The following CEP57L1 variants were observed in gnomAD, a reference collection of about 807,000 sequenced individuals.
The protein encoded by CEP57L1 is centrosomal protein 57 like 1.
Under a neutral mutation model 61.0 loss-of-function variants are expected in CEP57L1, and 37 were observed. That is an observed-to-expected ratio of 0.61 (90% CI 0.47 to 0.80). CEP57L1 has a LOEUF of 0.80. CEP57L1 is among the 30% of genes least tolerant of loss of function. CEP57L1 has a pLI of 0.00. For synonymous variants in CEP57L1, 137 were observed against 162.3 expected (o/e 0.84, Z 1.19); for missense variants, 422 against 524.7 (o/e 0.80, Z 1.91).
chr6:109,118,176 C>T (rs956022187), intron 1 of CEP57L1, among the ~76,000 whole-genome samples: 4 of 152,148 alleles, frequency 2.6e-5, no homozygotes, highest in East Asian at 3.9e-4. Context: ...GCTGGAATTA[C>T]AGGCGCCCAC....
chr6:109,141,863 T>A (rs934512755), intron 1 of CEP57L1, among the ~76,000 whole-genome samples: 1 of 152,220 alleles, frequency 6.6e-6, no homozygotes, highest in African/African-American at 2.4e-5. Flanking sequence ...ACTGAGCTGT[T>A]GATCCTTCTT....
Position 109,174,109 on chromosome 6 carries a change from A to AAAAACAAAAC in CEP57L1, c.*11143_*11144insCAAAACAAAA, listed in dbSNP as rs1554199813. On this transcript the variant is annotated 3_prime_UTR_variant, in exon 11 of 11. Transcript: ENST00000517392. ...AGTGAGTCTTGGTCTCAAAAAAAAA[A>AAAAACAAAAC]AAAAACCTTGTGTTGGAAACCATCT... 3.4e-5 allele frequency among the ~76,000 whole-genome samples: 5 copies of AAAAACAAAAC among 148,280 alleles called. No individual in the cohort carries two copies. Among genetic ancestry groups the AAAAACAAAAC allele is most frequent in the Non-Finnish European group, 7.5e-5 (5 of 67,082 alleles).
At position 109,120,908 on chromosome 6, in the gene CEP57L1, A is replaced by G. The variant is rs966696936; in HGVS notation, c.-3-24311A>G. On this transcript the variant is annotated intron_variant, in intron 1 of 10. Coordinates refer to ENST00000517392, the MANE Select transcript of CEP57L1 (RefSeq NM_001271852.3). ...TCTTAGAAAATTCCTATACTTAGAC[A>G]CACGCACACACACACACACACACAC... Among the ~76,000 whole-genome samples the G allele has an allele frequency of 3.4e-5, 3 of 88,130 alleles. No homozygotes were observed. The Admixed American group carries it at 4.0e-4, about 12-fold the overall frequency. 57.8% of individuals were successfully genotyped at this position (88,130 alleles called of 152,430 possible). A position where few individuals can be genotyped will look rare whatever the true frequency, so the allele number is the denominator to read the frequency against.
chr6:109,127,284 A>T lies in CEP57L1; in HGVS notation c.-3-17935A>T, dbSNP rs759767906. On this transcript the variant is annotated intron_variant, in intron 1 of 10. Coordinates refer to ENST00000517392, the MANE Select transcript of CEP57L1 (RefSeq NM_001271852.3). ...GCTTAGTAAAAATTTATTAGTAGTT[A>T]TGAAATAAACCAATTTTACTTGATA... Among the ~76,000 whole-genome samples the T allele has an allele frequency of 7.2e-5, 11 of 152,218 alleles. 1 individual carries two copies. The South Asian group carries it at 1.7e-3, about 23-fold the overall frequency.
At chr6:109,139,909 G>A (rs374451651) in intron 1 of CEP57L1, among the ~76,000 whole-genome samples, 1 of 152,098 alleles carries the variant, frequency 6.6e-6, no homozygotes, top group East Asian at 1.9e-4. Context: ...TGGGATTATA[G>A]GCATGAACCA....
chr6:109,123,448 T>G (rs1773205482), intron 1 of CEP57L1, among the ~76,000 whole-genome samples: 1 of 152,196 alleles, frequency 6.6e-6, no homozygotes, highest in South Asian at 2.1e-4. Context: ...AGTTAATACC[T>G]CATAGTGTTG....
intron 1 of CEP57L1, among the ~76,000 whole-genome samples, chr6:109,115,622 C>G (rs903239464): frequency 6.6e-6 from 1 of 151,764 alleles, no homozygotes; most frequent in South Asian, 2.1e-4. Context: ...AAATCTGAAG[C>G]CAAGTATAAA....
At chr6:109,123,214 TTTATTA>T (rs759716957) in intron 1 of CEP57L1, among the ~76,000 whole-genome samples, 6 of 151,908 alleles carry the variant, frequency 3.9e-5, no homozygotes, top group Admixed American at 2.0e-4. Flanking sequence ...TATCTTTGTT[TTTATTA>T]TTATTATTAT....
chr6:109,100,978 A>G (rs1451882564), intron 1 of CEP57L1, among the ~76,000 whole-genome samples: 1 of 151,550 alleles, frequency 6.6e-6, no homozygotes, highest in Non-Finnish European at 1.5e-5. Context: ...ATCATGGCAC[A>G]CGCCTCTAGT....
chr6:109,146,736 C>A (rs780210556), intron 2 of CEP57L1, 22 bp from the exon 3 acceptor site: 3 of 1,496,090 alleles, frequency 2.0e-6, no homozygotes, highest in Non-Finnish European at 2.7e-6. Context: ...CTTAAAATAT[C>A]AACAAAATTT....
chr6:109,098,138 T>TTCTC (rs544211200), intron 1 of CEP57L1, among the ~76,000 whole-genome samples: 60 of 150,564 alleles, frequency 4.0e-4, no homozygotes, highest in African/African-American at 1.4e-3. Flanking sequence ...CTCTCTCTCT[T>TTCTC]TCTCTCTCTC....
At chr6:109,135,002 A>G (rs950835297) in intron 1 of CEP57L1, among the ~76,000 whole-genome samples, 39 of 152,234 alleles carry the variant, frequency 2.6e-4, no homozygotes, top group Non-Finnish European at 5.9e-5. Context: ...AGTAATTTAT[A>G]GATTCAATGC....
At chr6:109,115,893 TA>T (rs965343242) in intron 1 of CEP57L1, among the ~76,000 whole-genome samples, 2 of 152,140 alleles carry the variant, frequency 1.3e-5, no homozygotes, top group African/African-American at 4.8e-5. Context: ...TTTCAAATGT[TA>T]AGTTGATATT....
chr6:109,168,741 G>A lies in CEP57L1; in HGVS notation c.*5771G>A, dbSNP rs1233650294. Among the ~76,000 whole-genome samples the A allele has an allele frequency of 3.3e-5, 5 of 151,318 alleles. No homozygotes were observed. Among genetic ancestry groups the A allele is most frequent in the South Asian group, 2.1e-4 (1 of 4,790 alleles). On this transcript the variant is annotated 3_prime_UTR_variant, in exon 11 of 11. Transcript: ENST00000517392. ...CTCCCAAGTAGCTGGGATTATAGGT[G>A]TGCACCACCATGCCCTGCTAATTTT...
chr6:109,130,222 C>A (rs78306599), intron 1 of CEP57L1, among the ~76,000 whole-genome samples: 1 of 152,162 alleles, frequency 6.6e-6, no homozygotes, highest in Non-Finnish European at 1.5e-5. Context: ...TTCACTCCCC[C>A]CCAGCAACCA....
At chr6:109,137,032 T>C (rs1770820545) in intron 1 of CEP57L1, among the ~76,000 whole-genome samples, 2 of 152,110 alleles carry the variant, frequency 1.3e-5, no homozygotes. Flanking sequence ...GGATTATAGG[T>C]GTGGGGCATG....
chr6:109,126,155 G>A (rs148062607), intron 1 of CEP57L1, among the ~76,000 whole-genome samples: 84 of 152,234 alleles, frequency 5.5e-4, no homozygotes, highest in African/African-American at 1.2e-3. Flanking sequence ...TTTGCAGAGC[G>A]TAGGAATTTG....
At chr6:109,106,568 A>G (rs1296430386) in intron 1 of CEP57L1, among the ~76,000 whole-genome samples, 1 of 152,152 alleles carries the variant, frequency 6.6e-6, no homozygotes, top group Non-Finnish European at 1.5e-5. Flanking sequence ...TTAACTTACA[A>G]GTTGTACTAC....
Position 109,167,756 on chromosome 6 carries a change from C to T in CEP57L1, c.*4786C>T, listed in dbSNP as rs144815079. Among the ~76,000 whole-genome samples, 2 of 152,144 alleles carry T rather than the reference C, an allele frequency of 1.3e-5. No homozygotes were observed. The highest frequency in any genetic ancestry group is 3.9e-4 in the East Asian group (2 of 5,186). On this transcript the variant is annotated 3_prime_UTR_variant, in exon 11 of 11. Coordinates refer to ENST00000517392, the MANE Select transcript of CEP57L1 (RefSeq NM_001271852.3). ...TTTGGGGAGGGGCAGGGTGTGGTTCCACCAACTGTGGGCACCAGAATGGTG... is the reference window on the plus strand; with the variant it reads ...TTTGGGGAGGGGCAGGGTGTGGTTCTACCAACTGTGGGCACCAGAATGGTG...
Sources: gnomAD v4.1 joint callset for allele counts (sites outside exome capture counted in the v4.1 genomes callset) on GRCh38, gnomAD v4.1.1 for gene constraint, MANE v1.5 for transcripts, NCBI Gene and HGNC (gene_info 2026-07-23, HGNC 2026-07-21) for gene names.